POP4: variants seen among roughly 807,000 people sequenced by gnomAD.
The protein encoded by POP4 is POP4 ribonuclease P/MRP subunit.
Under a neutral mutation model 29.9 loss-of-function variants are expected in POP4, and 31 were observed. That is an observed-to-expected ratio of 1.04 (90% CI 0.78 to 1.40). The LOEUF is 1.40. Ranked by LOEUF, POP4 falls within the 40% of genes most tolerant of loss-of-function variation. POP4 has a pLI of 0.00. For synonymous variants in POP4, 110 were observed against 108.2 expected (o/e 1.02, Z -0.10); for missense variants, 286 against 282.7 (o/e 1.01, Z -0.08).
intron 1 of POP4, 149 bp downstream of exon 1, chr19:29,606,474 GA>G: frequency 2.2e-6 from 2 of 900,440 alleles, no homozygotes; most frequent in South Asian, 2.3e-5. Flanking sequence ...AAGAAAAACT[GA>G]GGGCTGGAGC....
At position 29,613,724 on chromosome 19, in the gene POP4, G is replaced by A. The variant is rs1055044634; in HGVS notation, c.425-147G>A. 9.5e-6 allele frequency: 12 copies of A among 1,258,012 alleles called. No homozygotes were observed. The South Asian group carries it at 1.6e-4, about 17-fold the overall frequency. 77.9% of individuals were successfully genotyped at this position (1,258,012 alleles called of 1,614,324 possible). On this transcript the variant is annotated intron_variant, in intron 5 of 6. Coordinates refer to ENST00000585603, the MANE Select transcript of POP4 (RefSeq NM_006627.3). ...TTGTTGGTTACATCAGGGCCCAGCTGTTGAGCCCCCACCCCCTGGGTGCTC... is the reference window on the plus strand; with the variant it reads ...TTGTTGGTTACATCAGGGCCCAGCTATTGAGCCCCCACCCCCTGGGTGCTC...
chr19:29,610,577 T>C lies in POP4; in HGVS notation c.229T>C (p.Ser77Pro). ...GAAGAAGAAGAAAGCCAAAGGCCTC[T>C]CTGCCAGGCAAAGGAGGGAGCTGCG... is the stretch of plus-strand genomic sequence containing the variant. Reference protein sequence around the residue: ...KEKKKKAKGLSARQRRELRLF... With the variant: ...KEKKKKAKGLPARQRRELRLF... Residue 77 changes from serine to proline, a missense_variant, in exon 3 of 7, where the codon TCT becomes CCT. Ser to Pro is a moderately conservative substitution (Grantham distance 74). Coordinates refer to ENST00000585603, the MANE Select transcript of POP4 (RefSeq NM_006627.3). 1 of 1,614,184 alleles carries C rather than the reference T, an allele frequency of 6.2e-7. No homozygotes were observed. The highest frequency in any genetic ancestry group is 8.5e-7 in the Non-Finnish European group (1 of 1,180,046).
At chr19:29,610,287 A>G (rs2145556398) in intron 2 of POP4, 122 bp from the exon 3 acceptor site, 1 of 839,694 alleles carries the variant, frequency 1.2e-6, no homozygotes, top group Non-Finnish European at 1.8e-6. Context: ...GAGCCTCAGT[A>G]GGTAAAGGGA....
chr19:29,610,771 C>T, intron 3 of POP4, 139 bp downstream of exon 3: 1 of 816,416 alleles, frequency 1.2e-6, no homozygotes. Flanking sequence ...AGAGGGCAGC[C>T]TTCCTTTACC....
At chr19:29,612,366 G>A (rs923367372) in intron 5 of POP4, among the ~76,000 whole-genome samples, 188 bp downstream of exon 5, 3 of 152,052 alleles carry the variant, frequency 2.0e-5, no homozygotes, top group African/African-American at 7.2e-5. Flanking sequence ...TAGCCAGTCC[G>A]GCCATTTGCT....
chr19:29,607,400 A>AT (rs1282166149), intron 1 of POP4, among the ~76,000 whole-genome samples: 2 of 152,094 alleles, frequency 1.3e-5, no homozygotes, highest in East Asian at 3.9e-4. Context: ...GTGAGCTATG[A>AT]TTGTGCCACT....
Position 29,612,327 on chromosome 19 carries a change from G to A in POP4, c.424+149G>A, listed in dbSNP as rs148432553. On this transcript the variant is annotated intron_variant, in intron 5 of 6. Coordinates refer to ENST00000585603, the MANE Select transcript of POP4 (RefSeq NM_006627.3). ...CCAGTCACCATCATCCCCACGCTAA[G>A]GGTGGGAGATGCTTCTCGCTGGCTG... is the stretch of plus-strand genomic sequence containing the variant. The A allele has an allele frequency of 2.0e-3, 1,542 of 774,088 alleles. 38 individuals are homozygous for A. In the East Asian group the frequency reaches 0.04, roughly 20 times the overall value. The allele number at this position is 774,088 out of a possible 1,614,324, so 48.0% of individuals were successfully genotyped here.
At chr19:29,613,489 C>G (rs1971095298) in intron 5 of POP4, among the ~76,000 whole-genome samples, 1 of 152,232 alleles carries the variant, frequency 6.6e-6, no homozygotes, top group Non-Finnish European at 1.5e-5. Flanking sequence ...AGCCAGCATC[C>G]TGGGCAGTGC....
intron 6 of POP4, among the ~76,000 whole-genome samples, chr19:29,614,795 C>T (rs1016017474): frequency 2.0e-5 from 3 of 152,166 alleles, no homozygotes; most frequent in South Asian, 2.1e-4. Flanking sequence ...TGAGCCACCG[C>T]GCCCAGCCTT....
At chr19:29,611,587 C>T (rs1303332488) in intron 3 of POP4, 1 of 375,566 alleles carries the variant, frequency 2.7e-6, no homozygotes, top group African/African-American at 2.1e-5. Context: ...ACAGTAGCTT[C>T]AACAAGACTC....
intron 1 of POP4, among the ~76,000 whole-genome samples, chr19:29,607,219 A>G (rs928341835): frequency 6.6e-6 from 1 of 151,810 alleles, no homozygotes; most frequent in African/African-American, 2.4e-5. Context: ...GGATCACTTG[A>G]GGCCAAGAGT....
rs978173 is a variant in POP4 at position 29,611,479 on chromosome 19, C to A, written c.285-383C>A. 651 of 220,980 alleles carry A rather than the reference C, an allele frequency of 2.9e-3. 4 individuals are homozygous for A. Among genetic ancestry groups the A allele is most frequent in the African/African-American group, 0.015 (621 of 42,516 alleles). The allele number at this position is 220,980 out of a possible 1,614,324, so 13.7% of individuals were successfully genotyped here. ...CTTGCTTGCCCACCTTCCAGACCAG[C>A]CTGCTGCCTCACATGAGGACCTGCG... On this transcript the variant is annotated intron_variant, in intron 3 of 6. Coordinates refer to ENST00000585603, the MANE Select transcript of POP4 (RefSeq NM_006627.3).
Position 29,608,615 on chromosome 19 carries a change from T to C in POP4, c.8-42T>C, listed in dbSNP as rs754768321. 2.5e-6 allele frequency: 4 copies of C among 1,581,972 alleles called. No individual in the cohort carries two copies. The African/African-American group carries it at 4.0e-5, about 16-fold the overall frequency. On this transcript the variant is annotated intron_variant, in intron 1 of 6. Transcript: ENST00000585603. ...AGAAAAGTCTTGGGTCTTACAGCCA[T>C]ACCCAACAAGAATTGATCATTTCTT...
At position 29,615,497 on chromosome 19, in the gene POP4, A is replaced by C; in HGVS notation, c.*117A>C. On this transcript the variant is annotated 3_prime_UTR_variant, in exon 7 of 7. Transcript: ENST00000585603. ...TTCCATTTATAGACCACCTCCAGCCAGTGACGCTCCGAGTTGAGGATGTTG... is the reference window on the plus strand; with the variant it reads ...TTCCATTTATAGACCACCTCCAGCCCGTGACGCTCCGAGTTGAGGATGTTG... 1 of 1,136,212 alleles carries C rather than the reference A, an allele frequency of 8.8e-7. No individual in the cohort carries two copies. Among genetic ancestry groups the C allele is most frequent in the Middle Eastern group, 2.1e-4 (1 of 4,838 alleles). The allele number at this position is 1,136,212 out of a possible 1,614,324, so 70.4% of individuals were successfully genotyped here.
At chr19:29,612,031 C>G in intron 4 of POP4, 86 bp from the exon 5 acceptor site, 1 of 1,584,490 alleles carries the variant, frequency 6.3e-7, no homozygotes, top group Middle Eastern at 1.7e-4. Context: ...GTTGGTATTG[C>G]CTGGCTGCAG....
intron 3 of POP4, chr19:29,611,590 C>A: frequency 2.6e-6 from 1 of 383,586 alleles, no homozygotes; most frequent in Non-Finnish European, 4.7e-6. Context: ...GTAGCTTCAA[C>A]AAGACTCACG....
intron 1 of POP4, among the ~76,000 whole-genome samples, chr19:29,608,017 G>T (rs541998298): frequency 1.3e-5 from 2 of 152,292 alleles, no homozygotes; most frequent in South Asian, 2.1e-4. Flanking sequence ...TCAGGATCTA[G>T]GGTAGGAGAC....
chr19:29,609,581 G>A lies in POP4; in HGVS notation c.61-828G>A, dbSNP rs571817478. Reference sequence around the variant, plus strand: ...GGCATTGCCACCAAATGAGGAATCCGTTATTGGAACTCCAACCTGAGAGGT... The same window carrying A: ...GGCATTGCCACCAAATGAGGAATCCATTATTGGAACTCCAACCTGAGAGGT... On this transcript the variant is annotated intron_variant, in intron 2 of 6. Coordinates refer to ENST00000585603, the MANE Select transcript of POP4 (RefSeq NM_006627.3). Among the ~76,000 whole-genome samples, 6 of 152,346 alleles carry A rather than the reference G, an allele frequency of 3.9e-5. No individual in the cohort carries two copies. In the East Asian group the frequency reaches 7.7e-4, roughly 20 times the overall value.
At position 29,616,835 on chromosome 19, in the gene POP4, G is replaced by A. The variant is rs1568296752; in HGVS notation, c.*1455G>A. 1.3e-5 allele frequency: 2 copies of A among 152,292 alleles called. No homozygotes were observed. The highest frequency in any genetic ancestry group is 2.4e-5 in the African/African-American group (1 of 41,458). 9.4% of individuals were successfully genotyped at this position (152,292 alleles called of 1,614,324 possible). The stretch of plus-strand genomic sequence containing the variant: ...TGGAGCCCAAGCACACTGCCACCTC[G>A]GACACGGGCCCCGGCCCAGCGACTG... On this transcript the variant is annotated 3_prime_UTR_variant, in exon 7 of 7. Coordinates refer to ENST00000585603, the MANE Select transcript of POP4 (RefSeq NM_006627.3).
Sources: allele counts gnomAD v4.1 joint callset (sites outside exome capture counted in the v4.1 genomes callset), GRCh38; gene constraint gnomAD v4.1.1; transcripts MANE v1.5; gene names NCBI Gene and HGNC (gene_info 2026-07-23, HGNC 2026-07-21).